RBFOX1: variants seen among roughly 807,000 people sequenced by gnomAD.
The protein encoded by RBFOX1 is RNA binding fox-1 homolog 1, also known as RNA binding protein fox-1 homolog 1.
In RBFOX1, 8 loss-of-function variants were observed where a neutral mutation model predicts 57.7. That is an observed-to-expected ratio of 0.14 (90% CI 0.08 to 0.25). The LOEUF is 0.25. Ranked by LOEUF, RBFOX1 falls within the 10% of genes least tolerant of loss-of-function variation. The probability of loss-of-function intolerance (pLI) is 1.00; values close to 1 mark genes in which losing one functional copy is unlikely to be tolerated. For synonymous variants in RBFOX1, 326 were observed against 222.4 expected, an observed-to-expected ratio of 1.47 and a Z score of -4.15; for missense variants, 611 against 548.5, an observed-to-expected ratio of 1.11 and a Z score of -1.14.
At position 6,838,421 on chromosome 16, in the gene RBFOX1, T is replaced by C. The variant is rs145475169; in HGVS notation, c.-16+183771T>C. Among the ~76,000 whole-genome samples, 550 of 152,312 alleles carry C rather than the reference T, an allele frequency of 3.6e-3. 4 individuals carry two copies. Among genetic ancestry groups the C allele is most frequent in the Admixed American group, 3.1e-3 (47 of 15,300 alleles). ...TATGTGCCACATTTTCTTTATCCAG[T>C]CTATTATTGATGGGCATTTGGGTTG... On this transcript the variant is annotated intron_variant, in intron 3 of 15. Transcript: ENST00000550418.
rs571111110 is a variant in RBFOX1, at chr16:6,640,871, A to C, written c.-63-13732A>C. 2.1e-4 allele frequency among the ~76,000 whole-genome samples: 32 copies of C among 152,248 alleles called. No individual in the cohort carries two copies. The East Asian group carries it at 6.0e-3, about 29-fold the overall frequency. On this transcript the variant is annotated intron_variant, in intron 2 of 15. Transcript: ENST00000550418. ...CATCTTAGGATTAAGGCCAAGACCC[A>C]AAACAAGCAACATGAACATCAGAAC...
intron 4 of RBFOX1, among the ~76,000 whole-genome samples, chr16:7,343,660 T>C (rs937848118): frequency 2.6e-5 from 4 of 152,160 alleles, no homozygotes; most frequent in African/African-American, 4.8e-5. Flanking sequence ...TCGTACCTAA[T>C]TGAAGTAATA....
At chr16:7,689,907 G>A (rs1222405968) in intron 14 of RBFOX1, among the ~76,000 whole-genome samples, 2 of 152,028 alleles carry the variant, frequency 1.3e-5, no homozygotes, top group South Asian at 4.1e-4. Context: ...CCCTTTCTTG[G>A]ATACTGTATC....
At chr16:5,334,897 A>T (rs895232102) in intron 1 of RBFOX1, among the ~76,000 whole-genome samples, 2 of 151,974 alleles carry the variant, frequency 1.3e-5, no homozygotes, top group Non-Finnish European at 2.9e-5. Context: ...TTTTGCTGTT[A>T]TCAGTGAGGC....
At chr16:5,858,313 G>T (rs937735988) in intron 3 of RBFOX1, among the ~76,000 whole-genome samples, 1 of 152,164 alleles carries the variant, frequency 6.6e-6, no homozygotes, top group Non-Finnish European at 1.5e-5. Context: ...TTAAGCTTCA[G>T]ATAATGTTTG....
At chr16:7,567,152 TATATATATATCC>T (rs1267047636) in intron 5 of RBFOX1, among the ~76,000 whole-genome samples, 3 of 12,460 alleles carry the variant, frequency 2.4e-4, no homozygotes, top group African/African-American at 5.0e-4. Flanking sequence ...TATATATCCC[TATATATATATCC>T]ATATATATAT....
At chr16:5,953,663 C>T (rs1281241731) in intron 4 of RBFOX1, among the ~76,000 whole-genome samples, 2 of 150,524 alleles carry the variant, frequency 1.3e-5, no homozygotes, top group African/African-American at 4.9e-5. Flanking sequence ...GCTGCGAATG[C>T]CATTCATTCA....
chr16:7,233,507 A>G (rs1400817738), intron 4 of RBFOX1, among the ~76,000 whole-genome samples: 2 of 152,190 alleles, frequency 1.3e-5, no homozygotes, highest in East Asian at 1.9e-4. Flanking sequence ...CACTTGTTAA[A>G]TGAGATCAAT....
intron 4 of RBFOX1, among the ~76,000 whole-genome samples, chr16:7,410,830 CGTGTGTGTGTGTGTGT>C (rs56755477): frequency 3.7e-4 from 56 of 150,342 alleles, no homozygotes; most frequent in Non-Finnish European, 5.0e-4. Flanking sequence ...TGAGTTTTCA[CGTGTGTGTGTGTGTGT>C]GTGTGTGTGT....
At chr16:7,432,524 A>AT (rs962502253) in intron 4 of RBFOX1, among the ~76,000 whole-genome samples, 2 of 152,050 alleles carry the variant, frequency 1.3e-5, no homozygotes, top group Non-Finnish European at 2.9e-5. Flanking sequence ...ATGCACAAAC[A>AT]TTTTTTTTAT....
intron 3 of RBFOX1, among the ~76,000 whole-genome samples, chr16:5,649,848 C>T (rs2049174459): frequency 6.6e-6 from 1 of 152,148 alleles, no homozygotes; most frequent in African/African-American, 2.4e-5. Context: ...TGGTGGATTG[C>T]CCTTGAGCTG....
intron 2 of RBFOX1, among the ~76,000 whole-genome samples, chr16:6,562,786 A>G (rs1356086534): frequency 6.7e-6 from 1 of 149,122 alleles, no homozygotes; most frequent in Admixed American, 6.7e-5. Context: ...GAAAGCTGCT[A>G]TATTTTGAGT....
intron 13 of RBFOX1, among the ~76,000 whole-genome samples, chr16:7,676,112 C>T (rs1207409635): frequency 6.6e-6 from 1 of 152,158 alleles, no homozygotes; most frequent in Non-Finnish European, 1.5e-5. Context: ...AGAAGACTAT[C>T]ATATTTTCCA....
intron 3 of RBFOX1, among the ~76,000 whole-genome samples, chr16:6,994,096 G>C (rs974492606): frequency 6.6e-6 from 1 of 152,124 alleles, no homozygotes; most frequent in Admixed American, 6.5e-5. Flanking sequence ...GCTGACATCT[G>C]TTGAAATGAT....
chr16:6,376,926 T>C (rs914227871), intron 2 of RBFOX1, among the ~76,000 whole-genome samples: 3 of 152,026 alleles, frequency 2.0e-5, no homozygotes, highest in Non-Finnish European at 2.9e-5. Context: ...GGGTATCACA[T>C]AGCCTTCCCT....
Position 7,105,609 on chromosome 16 carries a change from A to G in RBFOX1, c.27+53511A>G, listed in dbSNP as rs12102706. 4.8e-3 allele frequency among the ~76,000 whole-genome samples: 724 copies of G among 152,134 alleles called. 7 individuals carry two copies. Among genetic ancestry groups the G allele is most frequent in the African/African-American group, 0.017 (686 of 41,544 alleles). On this transcript the variant is annotated intron_variant, in intron 4 of 15. Transcript: ENST00000550418. The stretch of plus-strand genomic sequence containing the variant: ...TTTTGCATTCCTGAGTTAGTCTGCA[A>G]TCTCATCCAGGTTGCTGCGAATGCC...
rs1449513483 is a variant in RBFOX1, at chr16:6,925,250, C to T, written c.-15-126807C>T. Among the ~76,000 whole-genome samples, 9 of 146,998 alleles carry T rather than the reference C, an allele frequency of 6.1e-5. No homozygotes were observed. The East Asian group carries it at 1.5e-3, about 24-fold the overall frequency. ...CCGGGCTCAAGCAATTGTCGTACCT[C>T]AGTCTCCCAAGTAGCTGGGATTACA... is the stretch of plus-strand genomic sequence containing the variant. On this transcript the variant is annotated intron_variant, in intron 3 of 15. Coordinates refer to ENST00000550418, the MANE Select transcript of RBFOX1 (RefSeq NM_018723.4).
intron 3 of RBFOX1, among the ~76,000 whole-genome samples, chr16:6,698,226 A>T (rs1032707789): frequency 6.6e-6 from 1 of 152,068 alleles, no homozygotes; most frequent in African/African-American, 2.4e-5. Context: ...TCATGTAAAT[A>T]TCATTATGTA....
intron 3 of RBFOX1, among the ~76,000 whole-genome samples, chr16:6,849,823 C>T (rs1009446167): frequency 3.3e-5 from 5 of 152,138 alleles, no homozygotes; most frequent in Non-Finnish European, 5.9e-5. Flanking sequence ...ATCCTCTCTC[C>T]CTCTTTTCTT....
Sources: gnomAD v4.1 joint callset for allele counts (sites outside exome capture counted in the v4.1 genomes callset) on GRCh38, gnomAD v4.1.1 for gene constraint, MANE v1.5 for transcripts, NCBI Gene and HGNC (gene_info 2026-07-23, HGNC 2026-07-21) for gene names.